Variants in TENM2 observed in about 807,000 individuals in gnomAD.
The protein encoded by TENM2 is teneurin-2.
Under a neutral mutation model 245.2 loss-of-function variants are expected in TENM2, and 52 were observed. The observed-to-expected ratio is 0.21, with a 90% CI of 0.17 to 0.27. The LOEUF (loss-of-function observed/expected upper bound fraction) is 0.27, where lower values mean the gene tolerates loss of function less well. Among genes scored for constraint, TENM2 ranks in the 10% least tolerant of loss-of-function variants. The pLI, the probability that TENM2 is intolerant of heterozygous loss-of-function variation, is 1.00. For synonymous variants in TENM2, 1,363 were observed against 1,438.9 expected, an observed-to-expected ratio of 0.95 and a Z score of 1.19; for missense variants, 3,046 against 3,666.8, an observed-to-expected ratio of 0.83 and a Z score of 4.37.
chr5:167,259,176 A>T, the TENM2 span, among the ~76,000 whole-genome samples: 1 of 152,146 alleles, frequency 6.6e-6, no homozygotes, highest in Non-Finnish European at 1.5e-5. Context: ...AGACCGAGGT[A>T]AAAAATGTAC....
intron 2 of TENM2, among the ~76,000 whole-genome samples, chr5:167,546,046 C>T (rs373568585): frequency 7.9e-5 from 12 of 152,122 alleles, no homozygotes; most frequent in South Asian, 2.1e-4. Flanking sequence ...AACACTCATT[C>T]GAGTCAGAAA....
the TENM2 span, among the ~76,000 whole-genome samples, chr5:166,996,752 T>C: frequency 0.062 from 9,418 of 152,274 alleles, 480 homozygotes; most frequent in East Asian, 0.31. Context: ...GATGAAGAGA[T>C]GCTATTCCTT....
intron 1 of TENM2, among the ~76,000 whole-genome samples, chr5:167,288,558 C>CAAA (rs58929279): frequency 8.9e-4 from 83 of 93,648 alleles, no homozygotes; most frequent in African/African-American, 1.1e-3. Context: ...GACTCCGTCT[C>CAAA]AAAAAAAAAA....
At chr5:168,061,552 C>A (rs1790039487) in intron 6 of TENM2, among the ~76,000 whole-genome samples, 1 of 152,158 alleles carries the variant, frequency 6.6e-6, no homozygotes, top group Non-Finnish European at 1.5e-5. Context: ...AGACTTCTCC[C>A]TCTAACTCAA....
chr5:167,413,110 T>A (rs1182567812), intron 2 of TENM2, among the ~76,000 whole-genome samples: 1 of 152,246 alleles, frequency 6.6e-6, no homozygotes, highest in East Asian at 1.9e-4. Flanking sequence ...GGCATCATTT[T>A]CAAAAACCTT....
intron 5 of TENM2, among the ~76,000 whole-genome samples, chr5:168,006,729 C>T (rs896235310): frequency 6.6e-5 from 10 of 152,154 alleles, no homozygotes; most frequent in African/African-American, 1.2e-4. Context: ...CTTCTGCCTG[C>T]GGTCGTATTA....
chr5:167,576,169 A>G (rs1013007267), intron 2 of TENM2, among the ~76,000 whole-genome samples: 7 of 152,230 alleles, frequency 4.6e-5, no homozygotes, highest in African/African-American at 1.7e-4. Context: ...AAATAGAACT[A>G]AAGTAAGCAG....
chr5:168,186,318 T>C (rs1472295736), intron 13 of TENM2: 3 of 152,182 alleles, frequency 2.0e-5, no homozygotes, highest in African/African-American at 7.2e-5. Flanking sequence ...TCTGATTTGC[T>C]TTATCAAAAG....
chr5:168,067,174 C>A (rs1052692742), intron 7 of TENM2, among the ~76,000 whole-genome samples: 27 of 152,106 alleles, frequency 1.8e-4, no homozygotes, highest in Non-Finnish European at 3.8e-4. Flanking sequence ...ACCGATGGAG[C>A]CAGGAGGCAA....
intron 1 of TENM2, among the ~76,000 whole-genome samples, chr5:167,343,888 A>G (rs1758279660): frequency 6.6e-6 from 1 of 152,038 alleles, no homozygotes; most frequent in Non-Finnish European, 1.5e-5. Flanking sequence ...TTCACTGGGG[A>G]AATATTATTT....
chr5:167,617,253 T>G (rs1052389629), intron 2 of TENM2, among the ~76,000 whole-genome samples: 1 of 152,138 alleles, frequency 6.6e-6, no homozygotes, highest in African/African-American at 2.4e-5. Context: ...CACACATGCA[T>G]ACACAAATGT....
chr5:167,691,461 T>C (rs1028092612), intron 2 of TENM2, among the ~76,000 whole-genome samples: 1 of 152,222 alleles, frequency 6.6e-6, no homozygotes, highest in Non-Finnish European at 1.5e-5. Context: ...CAAGTCACAC[T>C]GTGTCTTCCA....
exon 13 of TENM2, chr5:168,162,699 G>A (rs764149149): frequency 1.2e-6 from 2 of 1,613,930 alleles, no homozygotes; most frequent in Non-Finnish European, 1.7e-6. Flanking sequence ...GCTGGAGAGG[G>A]CCCGGATGCA....
intron 2 of TENM2, among the ~76,000 whole-genome samples, chr5:167,712,209 T>C (rs540776743): frequency 7.9e-5 from 12 of 152,190 alleles, no homozygotes; most frequent in South Asian, 4.1e-4. Flanking sequence ...AAAATAAGTT[T>C]AATAAGTAAA....
intron 4 of TENM2, among the ~76,000 whole-genome samples, chr5:167,969,371 G>A (rs2151915488): frequency 6.6e-6 from 1 of 152,286 alleles, no homozygotes; most frequent in South Asian, 2.1e-4. Flanking sequence ...TCATCCATGT[G>A]AGACGTGACT....
At chr5:167,973,283 A>G (rs1292224706) in intron 4 of TENM2, among the ~76,000 whole-genome samples, 4 of 152,206 alleles carry the variant, frequency 2.6e-5, no homozygotes. Flanking sequence ...AAACTTATAT[A>G]GTTACTTTAT....
chr5:167,239,136 G>A, the TENM2 span, among the ~76,000 whole-genome samples: 2 of 152,140 alleles, frequency 1.3e-5, no homozygotes, highest in Non-Finnish European at 2.9e-5. Context: ...TCTCTCCAAG[G>A]TATCTTTGAA....
In TENM2 at chr5:167,941,948, C is replaced by G. The variant is rs1779217241; in HGVS notation, c.713-10640C>G. Among the ~76,000 whole-genome samples the G allele has an allele frequency of 2.6e-5, 4 of 152,304 alleles. No individual in the cohort carries two copies. In the East Asian group the frequency reaches 7.7e-4, roughly 29 times the overall value. On this transcript the variant is annotated intron_variant, in intron 3 of 28. Transcript: ENST00000518659. ...ACAGGCCAGGCACAGTGGCTCACACCTGTAATCCCAGCACTTTGGGAGGTC... is the reference window on the plus strand; with the variant it reads ...ACAGGCCAGGCACAGTGGCTCACACGTGTAATCCCAGCACTTTGGGAGGTC...
At chr5:168,233,381 C>T (rs550624749) in intron 25 of TENM2, among the ~76,000 whole-genome samples, 18 of 152,204 alleles carry the variant, frequency 1.2e-4, no homozygotes, top group African/African-American at 3.6e-4. Context: ...AGTGCAGGGA[C>T]CAGGTCGCCC....
Sources: gnomAD v4.1 joint callset for allele counts (sites outside exome capture counted in the v4.1 genomes callset) on GRCh38, gnomAD v4.1.1 for gene constraint, MANE v1.5 for transcripts, NCBI Gene and HGNC (gene_info 2026-07-23, HGNC 2026-07-21) for gene names.